The following CSMD1 variants were observed in gnomAD, a reference collection of about 807,000 sequenced individuals.
CSMD1 encodes CUB and Sushi multiple domains 1.
Under a neutral mutation model 417.5 loss-of-function variants are expected in CSMD1, and 213 were observed. The ratio of observed to expected loss-of-function variants is 0.51; its 90% CI spans 0.46 to 0.57. The LOEUF is 0.57. Ranked by LOEUF, CSMD1 falls within the 20% of genes least tolerant of loss-of-function variation. The probability of loss-of-function intolerance (pLI) is 0.00; values close to 1 mark genes in which losing one functional copy is unlikely to be tolerated. For missense variants in CSMD1, 6,923 were observed against 4,529.7 expected (o/e 1.53, Z -15.17); for synonymous variants, 2,862 against 1,736.8 (o/e 1.65, Z -16.11).
Position 3,697,965 on chromosome 8 carries a change from T to A in CSMD1, c.1009+10449A>T, listed in dbSNP as rs199542070. 6.6e-5 allele frequency among the ~76,000 whole-genome samples: 10 copies of A among 152,232 alleles called. No homozygotes were observed. The East Asian group carries it at 1.9e-3, about 29-fold the overall frequency. ...TGCTGAAACCACTTGAAAAGCATTT[T>A]ACTTCTATGGTTACAATTCAATTTA... On this transcript the variant is annotated intron_variant, in intron 7 of 69. Coordinates refer to ENST00000635120, the MANE Select transcript of CSMD1 (RefSeq NM_033225.6).
chr8:4,821,565 C>A (rs1799526037), intron 1 of CSMD1, among the ~76,000 whole-genome samples: 1 of 151,972 alleles, frequency 6.6e-6, no homozygotes, highest in African/African-American at 2.4e-5. Context: ...CATTGAAATC[C>A]CCTAGTAATC....
chr8:4,073,118 T>C (rs1019976189), intron 3 of CSMD1, among the ~76,000 whole-genome samples: 1 of 152,164 alleles, frequency 6.6e-6, no homozygotes, highest in African/African-American at 2.4e-5. Context: ...CCATCATGAT[T>C]CTAGAAATTG....
chr8:4,439,761 T>C (rs1478009839), intron 2 of CSMD1, among the ~76,000 whole-genome samples: 3 of 152,144 alleles, frequency 2.0e-5, no homozygotes, highest in Non-Finnish European at 4.4e-5. Flanking sequence ...GTGTTACTAA[T>C]GGAGAATCCT....
intron 2 of CSMD1, among the ~76,000 whole-genome samples, chr8:4,445,968 G>C (rs866942883): frequency 6.6e-6 from 1 of 152,116 alleles, no homozygotes; most frequent in African/African-American, 2.4e-5. Context: ...GTAGACGAAA[G>C]GATAGCAACA....
intron 5 of CSMD1, among the ~76,000 whole-genome samples, chr8:3,831,820 T>C (rs1017240890): frequency 2.0e-5 from 3 of 152,294 alleles, no homozygotes; most frequent in South Asian, 2.1e-4. Flanking sequence ...CTGCCCATCA[T>C]AATCTGGAAA....
In CSMD1 at chr8:3,915,099, T is replaced by C. The variant is rs77760371; in HGVS notation, c.818+82804A>G. The stretch of plus-strand genomic sequence containing the variant: ...TTAGGGATCGGAAAAGCCCTAATAA[T>C]GAAGAGTCAAGAGTTTAGGTAGCAG... On this transcript the variant is annotated intron_variant, in intron 5 of 69. Coordinates refer to ENST00000635120, the MANE Select transcript of CSMD1 (RefSeq NM_033225.6). 2.7e-4 allele frequency among the ~76,000 whole-genome samples: 41 copies of C among 152,152 alleles called. 1 individual carries two copies. The East Asian group carries it at 7.8e-3, about 29-fold the overall frequency.
chr8:4,697,661 T>A (rs1325184950), intron 1 of CSMD1, among the ~76,000 whole-genome samples: 1 of 152,148 alleles, frequency 6.6e-6, no homozygotes, highest in Non-Finnish European at 1.5e-5. Context: ...TAGTTGCTGG[T>A]TACACGATTT....
At chr8:4,214,468 T>C (rs1315463167) in intron 3 of CSMD1, among the ~76,000 whole-genome samples, 1 of 151,082 alleles carries the variant, frequency 6.6e-6, no homozygotes, top group Non-Finnish European at 1.5e-5. Context: ...TGGCTAATGT[T>C]TGTATTTTTG....
intron 2 of CSMD1, among the ~76,000 whole-genome samples, chr8:4,432,468 G>A (rs1025661121): frequency 6.6e-6 from 1 of 152,154 alleles, no homozygotes; most frequent in Non-Finnish European, 1.5e-5. Flanking sequence ...AAAAACTCAA[G>A]TATCAATTAC....
chr8:3,869,976 C>A (rs1217545291), intron 5 of CSMD1, among the ~76,000 whole-genome samples: 1 of 151,686 alleles, frequency 6.6e-6, no homozygotes, highest in African/African-American at 2.4e-5. Context: ...TTTAAAATTA[C>A]AATAATAATA....
At chr8:4,132,761 C>G (rs1048453667) in intron 3 of CSMD1, among the ~76,000 whole-genome samples, 6 of 152,110 alleles carry the variant, frequency 3.9e-5, no homozygotes, top group African/African-American at 1.2e-4. Context: ...TTGATGTTCT[C>G]TACAATCCGT....
chr8:4,198,223 C>T (rs974323509), intron 3 of CSMD1, among the ~76,000 whole-genome samples: 4 of 152,158 alleles, frequency 2.6e-5, no homozygotes, highest in African/African-American at 4.8e-5. Context: ...CAAAGAGGTG[C>T]GGAGCACCAC....
chr8:4,346,534 A>G (rs1172416258), intron 3 of CSMD1, among the ~76,000 whole-genome samples: 2 of 152,142 alleles, frequency 1.3e-5, no homozygotes, highest in African/African-American at 4.8e-5. Flanking sequence ...ATCCAGTTAC[A>G]GAAAACTTTC....
intron 1 of CSMD1, among the ~76,000 whole-genome samples, chr8:4,888,604 G>C (rs1258387413): frequency 6.6e-6 from 1 of 151,968 alleles, no homozygotes; most frequent in Non-Finnish European, 1.5e-5. Context: ...CTACGGCAGT[G>C]ACATCCCAAC....
Position 3,409,408 on chromosome 8 carries a change from A to G in CSMD1, c.1744+15T>C, listed in dbSNP as rs1812541298. The G allele has an allele frequency of 6.3e-7, 1 of 1,598,582 alleles. No homozygotes were observed. The highest frequency in any genetic ancestry group is 1.7e-5 in the Admixed American group (1 of 58,364). On this transcript the variant is annotated intron_variant, in intron 13 of 69. Coordinates refer to ENST00000635120, the MANE Select transcript of CSMD1 (RefSeq NM_033225.6). ...GCAGGACAGGAGGGAGTCCAGGTCA[A>G]GGCATAATACTCACATACACAGCTG...
At chr8:3,033,084 A>C (rs10112694) in intron 50 of CSMD1, among the ~76,000 whole-genome samples, 5,178 of 151,430 alleles carry the variant, frequency 0.034, 306 homozygotes, top group African/African-American at 0.12. Context: ...CCAACTATTA[A>C]TTCTAGGCTA....
intron 2 of CSMD1, among the ~76,000 whole-genome samples, chr8:4,541,975 A>ATCTGTGGAG (rs1797408128): frequency 6.6e-6 from 1 of 151,888 alleles, no homozygotes; most frequent in Non-Finnish European, 1.5e-5. Flanking sequence ...GACTGACCTC[A>ATCTGTGGAG]GATGTGGAGG....
chr8:4,718,196 C>A (rs1808812513), intron 1 of CSMD1, among the ~76,000 whole-genome samples: 1 of 152,150 alleles, frequency 6.6e-6, no homozygotes, highest in South Asian at 2.1e-4. Context: ...AGGCTGGTCT[C>A]AAACTCCTGG....
chr8:3,415,745 C>G (rs1373565441), intron 12 of CSMD1, among the ~76,000 whole-genome samples: 1 of 152,166 alleles, frequency 6.6e-6, no homozygotes, highest in East Asian at 1.9e-4. Context: ...TGATGAAGCT[C>G]AGTCCCTTTT....
Sources: gnomAD v4.1 joint callset for allele counts (sites outside exome capture counted in the v4.1 genomes callset) on GRCh38, gnomAD v4.1.1 for gene constraint, MANE v1.5 for transcripts, NCBI Gene and HGNC (gene_info 2026-07-23, HGNC 2026-07-21) for gene names.